Variants in TENM3 observed in about 807,000 individuals in gnomAD.
TENM3 encodes the protein teneurin transmembrane protein 3, also known as teneurin-3.
A neutral mutation model predicts 255.1 loss-of-function variants in TENM3; 63 were observed. The ratio of observed to expected loss-of-function variants is 0.25; its 90% CI spans 0.20 to 0.30. The LOEUF (loss-of-function observed/expected upper bound fraction) is 0.30, where lower values mean the gene tolerates loss of function less well. Among genes scored for constraint, TENM3 ranks in the 10% least tolerant of loss-of-function variants. TENM3 has a pLI of 1.00. For synonymous variants in TENM3, 1,306 were observed against 1,322.3 expected, an observed-to-expected ratio of 0.99 and a Z score of 0.27; for missense variants, 2,929 against 3,461.1, an observed-to-expected ratio of 0.85 and a Z score of 3.86.
At chr4:182,100,874 T>TAC in the TENM3 span, among the ~76,000 whole-genome samples, 7 of 39,572 alleles carry the variant, frequency 1.8e-4, 2 homozygotes, top group African/African-American at 8.8e-4. Flanking sequence ...TATATATATA[T>TAC]AGAGAGAGAG....
chr4:181,713,392 A>T, the TENM3 span, among the ~76,000 whole-genome samples: 2 of 152,306 alleles, frequency 1.3e-5, no homozygotes, highest in African/African-American at 4.8e-5. Flanking sequence ...CTGAAACCCC[A>T]TTATGTGGGA....
the TENM3 span, among the ~76,000 whole-genome samples, chr4:182,071,632 G>A: frequency 6.6e-6 from 1 of 151,626 alleles, no homozygotes; most frequent in Non-Finnish European, 1.5e-5. Flanking sequence ...CATATTTGGG[G>A]GTACATGTGA....
chr4:182,371,193 C>A (rs866555926), intron 3 of TENM3, among the ~76,000 whole-genome samples: 2 of 150,228 alleles, frequency 1.3e-5, no homozygotes, highest in South Asian at 2.1e-4. Context: ...ATCATGACTC[C>A]TTCGTTTCTG....
chr4:182,172,756 C>A (rs1294212604), intron 1 of TENM3, among the ~76,000 whole-genome samples: 1 of 152,014 alleles, frequency 6.6e-6, no homozygotes, highest in South Asian at 2.1e-4. Context: ...TAATGAGAAA[C>A]AGAATATCTT....
At chr4:181,770,673 T>TGAA in the TENM3 span, among the ~76,000 whole-genome samples, 1 of 39,906 alleles carries the variant, frequency 2.5e-5, no homozygotes, top group African/African-American at 9.3e-5. Flanking sequence ...AGACTCTGTC[T>TGAA]CAAAAAAAAA....
chr4:182,239,882 G>A (rs1394849656), upstream of TENM3, among the ~76,000 whole-genome samples: 3 of 152,156 alleles, frequency 2.0e-5, no homozygotes, highest in Non-Finnish European at 2.9e-5. Context: ...TTTTCAAAGT[G>A]TAAAAATAGG....
the TENM3 span, among the ~76,000 whole-genome samples, chr4:181,806,613 G>A: frequency 6.6e-6 from 1 of 152,176 alleles, no homozygotes; most frequent in South Asian, 2.1e-4. Flanking sequence ...CCCCTTCGGG[G>A]CACACAGCCT....
At chr4:182,573,671 A>G (rs1360246616) in intron 3 of TENM3, among the ~76,000 whole-genome samples, 1 of 152,178 alleles carries the variant, frequency 6.6e-6, no homozygotes, top group African/African-American at 2.4e-5. Flanking sequence ...TTTCTGAAGG[A>G]TTTGAAGGTG....
At chr4:182,084,655 C>A in the TENM3 span, among the ~76,000 whole-genome samples, 2 of 152,040 alleles carry the variant, frequency 1.3e-5, no homozygotes, top group Non-Finnish European at 2.9e-5. Flanking sequence ...GAAGTGATAT[C>A]ATGATAGAGT....
At chr4:182,605,129 C>G (rs749546417) in intron 4 of TENM3, among the ~76,000 whole-genome samples, 1 of 152,112 alleles carries the variant, frequency 6.6e-6, no homozygotes, top group African/African-American at 2.4e-5. Context: ...CTTTCCTGCC[C>G]CAGAGGAAAC....
chr4:181,481,525 T>C, the TENM3 span, among the ~76,000 whole-genome samples: 1 of 152,222 alleles, frequency 6.6e-6, no homozygotes, highest in Admixed American at 6.5e-5. Context: ...CCCATTCATA[T>C]GCTCAACAAT....
chr4:182,560,971 C>T (rs185932574), intron 3 of TENM3, among the ~76,000 whole-genome samples: 27 of 152,200 alleles, frequency 1.8e-4, no homozygotes, highest in Non-Finnish European at 3.4e-4. Flanking sequence ...ACATCCATTC[C>T]TCTCCGTTCA....
chr4:182,692,850 GT>G (rs1232932947), intron 12 of TENM3, among the ~76,000 whole-genome samples: 6 of 148,894 alleles, frequency 4.0e-5, no homozygotes, highest in African/African-American at 9.8e-5. Flanking sequence ...TAGAATGGGA[GT>G]TTTTTTTTTA....
upstream of TENM3, among the ~76,000 whole-genome samples, chr4:182,140,988 CCT>C (rs147347513): frequency 0.037 from 4,096 of 109,342 alleles, 164 homozygotes; most frequent in African/African-American, 0.11. Context: ...CCATTATATC[CCT>C]CCCCCCCGCC....
the TENM3 span, among the ~76,000 whole-genome samples, chr4:181,754,285 C>CACAA: frequency 2.8e-4 from 1 of 3,568 alleles, no homozygotes; most frequent in Admixed American, 5.3e-3. Flanking sequence ...ATATCCCAGT[C>CACAA]ACACACACAC....
chr4:182,178,100 T>C (rs944739478), intron 1 of TENM3, among the ~76,000 whole-genome samples: 4 of 152,120 alleles, frequency 2.6e-5, no homozygotes, highest in Admixed American at 1.3e-4. Context: ...TTTGTAATTA[T>C]GTTTCATCCT....
the TENM3 span, among the ~76,000 whole-genome samples, chr4:181,498,070 T>C: frequency 9.0e-3 from 1,366 of 152,226 alleles, 16 homozygotes; most frequent in South Asian, 0.033. Flanking sequence ...AGTTTATAGG[T>C]GATATATAAC....
intron 3 of TENM3, among the ~76,000 whole-genome samples, chr4:182,462,247 T>C (rs1268152709): frequency 6.6e-6 from 1 of 151,966 alleles, no homozygotes; most frequent in Non-Finnish European, 1.5e-5. Flanking sequence ...CAGTAAAGAC[T>C]GAGTCTCGCT....
At chr4:182,545,191 T>C (rs1411267429) in intron 3 of TENM3, among the ~76,000 whole-genome samples, 2 of 152,130 alleles carry the variant, frequency 1.3e-5, no homozygotes, top group East Asian at 3.9e-4. Context: ...TAAAATAAAA[T>C]TGAGGGGAAA....
Sources: allele counts gnomAD v4.1 joint callset (sites outside exome capture counted in the v4.1 genomes callset), GRCh38; gene constraint gnomAD v4.1.1; transcripts MANE v1.5; gene names NCBI Gene and HGNC (gene_info 2026-07-23, HGNC 2026-07-21).